The following ERICH5 variants were observed in gnomAD, a reference collection of about 807,000 sequenced individuals.
ERICH5 encodes the protein glutamate rich 5, also known as glutamate-rich protein 5.
Under a neutral mutation model 28.0 loss-of-function variants are expected in ERICH5, and 24 were observed. The observed-to-expected ratio is 0.86, with a 90% CI of 0.62 to 1.21. The LOEUF is 1.21. ERICH5 is among the 50% of genes most tolerant of loss of function. ERICH5 has a pLI of 0.00. For synonymous variants in ERICH5, 163 were observed against 157.6 expected (o/e 1.03, Z -0.25); for missense variants, 421 against 441.2 (o/e 0.95, Z 0.41).
rs374774000 is a variant in ERICH5, at chr8:98,073,637, G to A, written c.58+8910G>A. Reference sequence around the variant, plus strand: ...GGCTTACTGCAACCTCCTTCTCCCGGGTTCAAGTGATTCTCCTGCATCACC... The same window carrying A: ...GGCTTACTGCAACCTCCTTCTCCCGAGTTCAAGTGATTCTCCTGCATCACC... On this transcript the variant is annotated intron_variant, in intron 1 of 2. Coordinates refer to ENST00000318528, the MANE Select transcript of ERICH5 (RefSeq NM_173549.3). Among the ~76,000 whole-genome samples, 71 of 145,592 alleles carry A rather than the reference G, an allele frequency of 4.9e-4. 1 individual carries two copies. In the South Asian group the frequency reaches 0.016, roughly 32 times the overall value.
At chr8:98,093,105 AACTT>A in intron 2 of ERICH5, 112 bp from the exon 3 acceptor site, 1 of 643,114 alleles carries the variant, frequency 1.6e-6, no homozygotes, top group South Asian at 2.3e-5. Flanking sequence ...CCCCCAGAGA[AACTT>A]ACTGCTTAGA....
chr8:98,077,180 A>G (rs1815072043), intron 1 of ERICH5, among the ~76,000 whole-genome samples: 1 of 152,206 alleles, frequency 6.6e-6, no homozygotes, highest in South Asian at 2.1e-4. Flanking sequence ...TGTTGGAAAG[A>G]TTGAATGAGA....
intron 1 of ERICH5, among the ~76,000 whole-genome samples, chr8:98,082,076 A>C (rs1815192986): frequency 6.6e-6 from 1 of 152,204 alleles, no homozygotes; most frequent in Admixed American, 6.5e-5. Flanking sequence ...ACTGCCTCTG[A>C]AATACAGCCA....
chr8:98,087,607 CT>C (rs1815305487), intron 1 of ERICH5, among the ~76,000 whole-genome samples: 1 of 151,906 alleles, frequency 6.6e-6, no homozygotes, highest in East Asian at 1.9e-4. Context: ...TGTTTTCCCC[CT>C]TTTGCCCTCC....
chr8:98,088,940 TTC>T (rs1362981615), intron 1 of ERICH5, 134 bp from the exon 2 acceptor site: 1 of 653,914 alleles, frequency 1.5e-6, no homozygotes, highest in African/African-American at 1.8e-5. Context: ...GGTATGGCCT[TTC>T]TGTACTCAGA....
intron 1 of ERICH5, among the ~76,000 whole-genome samples, chr8:98,067,014 T>C (rs1814831079): frequency 6.6e-6 from 1 of 152,254 alleles, no homozygotes. Context: ...ATTTGTTGAA[T>C]GAATTACTTC....
At chr8:98,079,769 A>C (rs1427283998) in intron 1 of ERICH5, among the ~76,000 whole-genome samples, 1 of 152,092 alleles carries the variant, frequency 6.6e-6, no homozygotes, top group Non-Finnish European at 1.5e-5. Flanking sequence ...CGAACTCCTG[A>C]CCTCGGGTGA....
rs528062932 is a variant in ERICH5, at chr8:98,079,166, CTTT to C, written c.59-9890_59-9888del. Among the ~76,000 whole-genome samples, 646 of 75,530 alleles carry C rather than the reference CTTT, an allele frequency of 8.6e-3. 2 individuals are homozygous for C. The highest frequency in any genetic ancestry group is 0.022 in the East Asian group (67 of 2,998). The allele number at this position is 75,530 out of a possible 152,430, so 49.6% of individuals were successfully genotyped here. Reference sequence around the variant, plus strand: ...CCACATTTTCCTCTTTTTTTTTTTCCTTTTTTTTTTTTTTTTTTTTTTGAGACA... The same window carrying C: ...CCACATTTTCCTCTTTTTTTTTTTCCTTTTTTTTTTTTTTTTTTTGAGACA... On this transcript the variant is annotated intron_variant, in intron 1 of 2. Transcript: ENST00000318528.
chr8:98,086,127 A>G (rs1477680426), intron 1 of ERICH5, among the ~76,000 whole-genome samples: 2 of 152,138 alleles, frequency 1.3e-5, no homozygotes, highest in African/African-American at 2.4e-5. Flanking sequence ...TTCCTGAAAA[A>G]CCACTAAAAT....
At chr8:98,077,357 G>T (rs564325662) in intron 1 of ERICH5, among the ~76,000 whole-genome samples, 23 of 152,068 alleles carry the variant, frequency 1.5e-4, no homozygotes, top group Non-Finnish European at 3.1e-4. Flanking sequence ...CAGTGAGATG[G>T]CTTTGATTTT....
intron 1 of ERICH5, among the ~76,000 whole-genome samples, chr8:98,070,255 G>A (rs1021281912): frequency 6.6e-6 from 1 of 152,114 alleles, no homozygotes; most frequent in East Asian, 1.9e-4. Context: ...GAGTGTGGAC[G>A]CTCGAGCCTG....
At chr8:98,091,211 C>T (rs1317237632) in intron 2 of ERICH5, among the ~76,000 whole-genome samples, 1 of 152,200 alleles carries the variant, frequency 6.6e-6, no homozygotes, top group Non-Finnish European at 1.5e-5. Flanking sequence ...GCCGGGATTA[C>T]AGGCATGAGC....
chr8:98,085,632 G>T (rs1458760320), intron 1 of ERICH5, among the ~76,000 whole-genome samples: 1 of 152,154 alleles, frequency 6.6e-6, no homozygotes, highest in Non-Finnish European at 1.5e-5. Flanking sequence ...GCTATATGGT[G>T]CATGTATATT....
chr8:98,080,712 CCTCCCT>C (rs1332359105), intron 1 of ERICH5, among the ~76,000 whole-genome samples: 1 of 142,232 alleles, frequency 7.0e-6, no homozygotes, highest in Non-Finnish European at 1.5e-5. Flanking sequence ...CCCCCCTCCC[CCTCCCT>C]CTCCTTCTCC....
intron 2 of ERICH5, among the ~76,000 whole-genome samples, chr8:98,091,655 C>T (rs1026369316): frequency 6.6e-6 from 1 of 152,226 alleles, no homozygotes; most frequent in African/African-American, 2.4e-5. Context: ...AAGCCAACTT[C>T]TCAGGGAAAC....
At chr8:98,086,169 C>A (rs1158619023) in intron 1 of ERICH5, among the ~76,000 whole-genome samples, 3 of 151,914 alleles carry the variant, frequency 2.0e-5, no homozygotes, top group Non-Finnish European at 4.4e-5. Flanking sequence ...ATAGTTTAAA[C>A]CCACAGAGAT....
chr8:98,064,596 G>T lies in ERICH5; in HGVS notation c.-74G>T. The T allele has an allele frequency of 7.6e-7, 1 of 1,310,178 alleles. No individual in the cohort carries two copies. Among genetic ancestry groups the T allele is most frequent in the Non-Finnish European group, 1.0e-6 (1 of 967,160 alleles). 81.2% of individuals were successfully genotyped at this position (1,310,178 alleles called of 1,614,324 possible). On this transcript the variant is annotated 5_prime_UTR_variant, in exon 1 of 3. Transcript: ENST00000318528. ...GCTGGAGAAACTTCCGCGGCTACGG[G>T]TGCAGTTGCCTTCGGTTCCCGGTTC...
At chr8:98,072,844 C>G (rs149787124) in intron 1 of ERICH5, among the ~76,000 whole-genome samples, 1 of 151,992 alleles carries the variant, frequency 6.6e-6, no homozygotes, top group Non-Finnish European at 1.5e-5. Context: ...TTATAATGAA[C>G]CTTTTGTCTT....
Position 98,073,458 on chromosome 8 carries a change from ATGTATATATATATATATATATATATATGT to A in ERICH5, c.58+8732_58+8760del, listed in dbSNP as rs1814969355. On this transcript the variant is annotated intron_variant, in intron 1 of 2. Coordinates refer to ENST00000318528, the MANE Select transcript of ERICH5 (RefSeq NM_173549.3). ...TATATATATATATATATATATATAT[ATGTATATATATATATATATATATATATGT>A]ATATATATATATATATATATATATA... Among the ~76,000 whole-genome samples the A allele has an allele frequency of 2.0e-4, 2 of 9,882 alleles. 1 individual carries two copies. Among genetic ancestry groups the A allele is most frequent in the Non-Finnish European group, 3.0e-4 (2 of 6,742 alleles). 6.5% of individuals were successfully genotyped at this position (9,882 alleles called of 152,430 possible). A position where few individuals can be genotyped will look rare whatever the true frequency, so the allele number is the denominator to read the frequency against.
Sources: allele counts gnomAD v4.1 joint callset (sites outside exome capture counted in the v4.1 genomes callset), GRCh38; gene constraint gnomAD v4.1.1; transcripts MANE v1.5; gene names NCBI Gene and HGNC (gene_info 2026-07-23, HGNC 2026-07-21).